The following GRM5 variants were observed in gnomAD, a reference collection of about 807,000 sequenced individuals.
GRM5 encodes the protein metabotropic glutamate receptor 5.
Under a neutral mutation model 83.1 loss-of-function variants are expected in GRM5, and 19 were observed. The ratio of observed to expected loss-of-function variants is 0.23; its 90% CI spans 0.16 to 0.34. The LOEUF is 0.34. GRM5 is among the 10% of genes least tolerant of loss of function. The pLI is 1.00. For synonymous variants in GRM5, 675 were observed against 633.6 expected (o/e 1.07, Z -0.98); for missense variants, 1,160 against 1,588.3 (o/e 0.73, Z 4.58).
intron 3 of GRM5, among the ~76,000 whole-genome samples, chr11:88,662,137 A>C (rs1939923242): frequency 6.6e-6 from 1 of 152,172 alleles, no homozygotes; most frequent in African/African-American, 2.4e-5. Flanking sequence ...CTTTTTCTAA[A>C]GTTCTGCAGG....
At chr11:88,664,769 TA>T (rs1939997526) in intron 3 of GRM5, among the ~76,000 whole-genome samples, 1 of 152,030 alleles carries the variant, frequency 6.6e-6, no homozygotes, top group African/African-American at 2.4e-5. Flanking sequence ...TTCATTGTAT[TA>T]GGTATTATAA....
intron 2 of GRM5, among the ~76,000 whole-genome samples, chr11:88,927,763 G>A (rs1945814843): frequency 6.6e-6 from 1 of 152,034 alleles, no homozygotes; most frequent in African/African-American, 2.4e-5. Flanking sequence ...TCTCTTGTTT[G>A]TGTGTGTGTT....
intron 4 of GRM5, among the ~76,000 whole-genome samples, chr11:88,609,028 T>C (rs1591379482): frequency 6.6e-6 from 1 of 152,180 alleles, no homozygotes; most frequent in East Asian, 1.9e-4. Context: ...CAGGGGTATA[T>C]GTGCAGGTTT....
At chr11:88,759,848 C>T (rs180690897) in intron 3 of GRM5, among the ~76,000 whole-genome samples, 74 of 152,068 alleles carry the variant, frequency 4.9e-4, no homozygotes, top group African/African-American at 1.8e-3. Context: ...TCAGCAAATG[C>T]AAAAGAACTG....
intron 3 of GRM5, among the ~76,000 whole-genome samples, chr11:88,756,859 A>C (rs761411597): frequency 1.9e-4 from 29 of 152,298 alleles, no homozygotes; most frequent in South Asian, 1.9e-3. Context: ...AGAAAGGATG[A>C]CAGAGAATAT....
intron 3 of GRM5, among the ~76,000 whole-genome samples, chr11:88,717,259 A>G (rs1002982000): frequency 4.6e-5 from 7 of 152,028 alleles, no homozygotes; most frequent in Admixed American, 2.0e-4. Context: ...TGTGTAGGCT[A>G]GGGTTGTTTT....
intron 3 of GRM5, among the ~76,000 whole-genome samples, chr11:88,747,050 A>C (rs1292497760): frequency 1.3e-5 from 2 of 152,216 alleles, no homozygotes; most frequent in Non-Finnish European, 2.9e-5. Flanking sequence ...TAATATTGTC[A>C]TTGCATAAAG....
At chr11:88,898,144 A>T (rs911322175) in intron 2 of GRM5, among the ~76,000 whole-genome samples, 1 of 151,862 alleles carries the variant, frequency 6.6e-6, no homozygotes, top group Non-Finnish European at 1.5e-5. Flanking sequence ...CTATGGATGC[A>T]TCACTCCAAT....
chr11:88,918,559 A>C (rs937525141), intron 2 of GRM5, among the ~76,000 whole-genome samples: 24 of 152,120 alleles, frequency 1.6e-4, no homozygotes, highest in African/African-American at 5.5e-4. Context: ...TGAAAGTACA[A>C]AACTGACTGG....
chr11:88,986,576 G>A (rs1397698931), intron 2 of GRM5, among the ~76,000 whole-genome samples: 1 of 151,746 alleles, frequency 6.6e-6, no homozygotes, highest in Non-Finnish European at 1.5e-5. Flanking sequence ...AGTTGTATGG[G>A]TCCCTTACAC....
At chr11:88,723,767 G>A (rs1031797047) in intron 3 of GRM5, among the ~76,000 whole-genome samples, 1 of 152,054 alleles carries the variant, frequency 6.6e-6, no homozygotes, top group Non-Finnish European at 1.5e-5. Context: ...TCTTAGCCAG[G>A]CATCAGGACC....
intron 2 of GRM5, among the ~76,000 whole-genome samples, chr11:88,983,355 A>T (rs755280012): frequency 7.6e-4 from 116 of 152,342 alleles, no homozygotes; most frequent in Non-Finnish European, 1.4e-3. Flanking sequence ...TGTGCATAGT[A>T]ACTACAGTTA....
chr11:88,811,094 CTTTT>C (rs963800247), intron 3 of GRM5, among the ~76,000 whole-genome samples: 1 of 151,404 alleles, frequency 6.6e-6, no homozygotes, highest in African/African-American at 2.5e-5. Context: ...CTAGAAACAC[CTTTT>C]TTTGTTTTTT....
At chr11:88,630,436 G>A (rs148848853) in intron 4 of GRM5, among the ~76,000 whole-genome samples, 3 of 152,072 alleles carry the variant, frequency 2.0e-5, no homozygotes, top group Admixed American at 2.0e-4. Flanking sequence ...TTAGCAGAAT[G>A]TAGAGACCCT....
chr11:88,882,355 T>C (rs1471086002), intron 2 of GRM5, among the ~76,000 whole-genome samples: 1 of 148,144 alleles, frequency 6.8e-6, no homozygotes, highest in African/African-American at 2.5e-5. Flanking sequence ...ATCGAGACCA[T>C]CCTGGCTAAC....
At chr11:89,040,884 C>T (rs1388735193) in intron 2 of GRM5, among the ~76,000 whole-genome samples, 2 of 152,178 alleles carry the variant, frequency 1.3e-5, no homozygotes, top group Non-Finnish European at 2.9e-5. Flanking sequence ...TCTATTCTTG[C>T]TTTCTCTTAC....
intron 5 of GRM5, among the ~76,000 whole-genome samples, chr11:88,601,270 T>C (rs1937986645): frequency 6.6e-6 from 1 of 152,200 alleles, no homozygotes; most frequent in South Asian, 2.1e-4. Flanking sequence ...AGAATCCGCA[T>C]GCACACAAAG....
intron 2 of GRM5, among the ~76,000 whole-genome samples, chr11:89,040,260 C>T (rs1166376879): frequency 6.6e-6 from 1 of 152,072 alleles, no homozygotes; most frequent in Non-Finnish European, 1.5e-5. Context: ...ATTTTTCCAA[C>T]TCCAAGATAG....
chr11:88,974,079 T>C (rs2135009806), intron 2 of GRM5, among the ~76,000 whole-genome samples: 1 of 152,276 alleles, frequency 6.6e-6, no homozygotes, highest in East Asian at 1.9e-4. Flanking sequence ...AAAGTGGCTA[T>C]AGTATCTACA....
Sources: gnomAD v4.1 joint callset for allele counts (sites outside exome capture counted in the v4.1 genomes callset) on GRCh38, gnomAD v4.1.1 for gene constraint, MANE v1.5 for transcripts, NCBI Gene and HGNC (gene_info 2026-07-23, HGNC 2026-07-21) for gene names.